Variants in EYA1 observed in about 807,000 individuals in gnomAD.
EYA1 encodes EYA transcriptional coactivator and phosphatase 1.
A neutral mutation model predicts 82.0 loss-of-function variants in EYA1; 16 were observed. The ratio of observed to expected loss-of-function variants is 0.20; its 90% confidence interval spans 0.13 to 0.30. The LOEUF is 0.30. Among genes scored for constraint, EYA1 ranks in the 10% least tolerant of loss-of-function variants. EYA1 has a pLI of 1.00. For missense variants in EYA1, 633 were observed against 730.7 expected, an observed-to-expected ratio of 0.87 and a Z score of 1.54; for synonymous variants, 261 against 264.4, an observed-to-expected ratio of 0.99 and a Z score of 0.12.
rs771549701 is a variant in EYA1 at position 71,299,155 on chromosome 8, T to C, written c.718A>G (p.Met240Val). ...GTTGGGCTGGTGTTGCTGCTGGTCATATAATGTGCTGGATACGGTGAGCTG... is the reference window on the plus strand; with the variant it reads ...GTTGGGCTGGTGTTGCTGCTGGTCACATAATGTGCTGGATACGGTGAGCTG... ...YNSSPYPAHY[M>V]TSSNTSPTTP... is the part of the protein sequence containing the mutation. Residue 240 changes from methionine to valine, a missense_variant, in exon 9 of 18, where the codon ATG becomes GTG. Coordinates refer to ENST00000340726, the MANE Select transcript of EYA1 (RefSeq NM_000503.6). 2.5e-6 allele frequency: 4 copies of C among 1,614,174 alleles called. No individual in the cohort carries two copies. In the Admixed American group the frequency reaches 5.0e-5, roughly 20 times the overall value.
chr8:71,517,722 T>TATATATAG (rs368930636), intron 2 of EYA1, among the ~76,000 whole-genome samples: 18 of 148,522 alleles, frequency 1.2e-4, no homozygotes, highest in African/African-American at 3.7e-4. Context: ...TATATATATA[T>TATATATAG]ATATAACTGT....
chr8:71,359,681 A>G (rs1827200613), intron 1 of EYA1, among the ~76,000 whole-genome samples: 1 of 152,208 alleles, frequency 6.6e-6, no homozygotes, highest in Non-Finnish European at 1.5e-5. Flanking sequence ...CGGGTTTTCC[A>G]TAGGCTTTTT....
At chr8:71,502,977 G>A (rs1811923684) in intron 2 of EYA1, among the ~76,000 whole-genome samples, 1 of 152,182 alleles carries the variant, frequency 6.6e-6, no homozygotes, top group Middle Eastern at 3.4e-3. Context: ...GTCTTTTTTT[G>A]TAATAAATTT....
chr8:71,219,852 A>G (rs572094105), intron 12 of EYA1, among the ~76,000 whole-genome samples: 1 of 152,326 alleles, frequency 6.6e-6, no homozygotes, highest in Non-Finnish European at 1.5e-5. Context: ...CTTTCCTTCT[A>G]CCATTTCTCA....
chr8:71,447,027 A>T (rs1806936668), intron 2 of EYA1, among the ~76,000 whole-genome samples: 1 of 151,664 alleles, frequency 6.6e-6, no homozygotes, highest in Admixed American at 6.6e-5. Flanking sequence ...TAGCTCCTAC[A>T]TTGCTTTGAA....
At chr8:71,202,753 A>G (rs1353206715) in intron 17 of EYA1, among the ~76,000 whole-genome samples, 2 of 152,216 alleles carry the variant, frequency 1.3e-5, no homozygotes, top group East Asian at 1.9e-4. Flanking sequence ...CTTTCATGGC[A>G]TGCAGGGTAG....
chr8:71,482,993 G>T (rs968147242), intron 2 of EYA1, among the ~76,000 whole-genome samples: 9 of 152,142 alleles, frequency 5.9e-5, no homozygotes, highest in Admixed American at 5.9e-4. Flanking sequence ...TACCATGACT[G>T]CACCTCTGAA....
At chr8:71,455,087 T>C (rs576216687) in intron 2 of EYA1, among the ~76,000 whole-genome samples, 1 of 152,092 alleles carries the variant, frequency 6.6e-6, no homozygotes, top group South Asian at 2.1e-4. Flanking sequence ...TCACCACTGA[T>C]CCACAGAAAT....
chr8:71,348,265 T>C (rs150753592), intron 3 of EYA1, among the ~76,000 whole-genome samples: 1,567 of 152,308 alleles, frequency 0.01, 12 homozygotes, highest in South Asian at 0.03. Flanking sequence ...AAGGCATCCT[T>C]GGATATCATA....
chr8:71,342,124 CCCAAT>C (rs1397683068), intron 3 of EYA1, among the ~76,000 whole-genome samples: 1 of 152,100 alleles, frequency 6.6e-6, no homozygotes, highest in African/African-American at 2.4e-5. Context: ...TCATCTCTCC[CCCAAT>C]CCAATCTATC....
At chr8:71,502,241 T>C (rs1246010043) in intron 2 of EYA1, among the ~76,000 whole-genome samples, 1 of 152,236 alleles carries the variant, frequency 6.6e-6, no homozygotes, top group Non-Finnish European at 1.5e-5. Flanking sequence ...ATGACAGATA[T>C]GTGAGCTGTG....
chr8:71,301,972 G>A (rs1311337499), intron 7 of EYA1, among the ~76,000 whole-genome samples: 1 of 151,866 alleles, frequency 6.6e-6, no homozygotes, highest in Admixed American at 6.6e-5. Context: ...GTGCATATCA[G>A]TGAACAATTT....
intron 9 of EYA1, among the ~76,000 whole-genome samples, chr8:71,277,115 ATTTTTTTTTTTTTT>A (rs9298167): frequency 3.1e-4 from 24 of 76,948 alleles, no homozygotes; most frequent in Non-Finnish European, 4.6e-4. Flanking sequence ...GGCTTCACAC[ATTTTTTTTTTTTTT>A]TTTTTTTTTT....
intron 9 of EYA1, among the ~76,000 whole-genome samples, chr8:71,282,468 C>A (rs1476142639): frequency 6.6e-6 from 1 of 152,218 alleles, no homozygotes; most frequent in Non-Finnish European, 1.5e-5. Context: ...GTCAAGATCA[C>A]CAACAACATC....
chr8:71,507,705 A>C (rs1812298094), intron 2 of EYA1, among the ~76,000 whole-genome samples: 1 of 152,226 alleles, frequency 6.6e-6, no homozygotes. Flanking sequence ...CTATCCACTA[A>C]TATGGAATGA....
In EYA1 at chr8:71,322,211, A is replaced by G. The variant is rs755452077; in HGVS notation, c.260T>C (p.Ile87Thr). ...AAATACATCTTACTTGGAAGGGTAA[A>G]TCTGTGGTGGAGAGAACTGGTGAGT... is the stretch of plus-strand genomic sequence containing the variant. ...RPTHQFSPPQ[I>T]YPSNRPYPHI... The change falls in exon 5 of 18, where the codon ATT becomes ACT. Residue 87 changes from isoleucine to threonine, a missense_variant. Ile to Thr is a moderately conservative substitution (Grantham distance 89). Coordinates refer to ENST00000340726, the MANE Select transcript of EYA1 (RefSeq NM_000503.6). 6.2e-7 allele frequency: 1 copy of G among 1,613,628 alleles called. No individual in the cohort carries two copies. Among genetic ancestry groups the G allele is most frequent in the South Asian group, 1.1e-5 (1 of 91,074 alleles).
intron 9 of EYA1, among the ~76,000 whole-genome samples, 169 bp downstream of exon 9, chr8:71,298,877 TA>T (rs1421672799): frequency 1.3e-5 from 2 of 152,034 alleles, no homozygotes; most frequent in South Asian, 2.1e-4. Flanking sequence ...TTCAAGCAAA[TA>T]AAAAAATAAA....
intron 2 of EYA1, among the ~76,000 whole-genome samples, chr8:71,386,448 T>C (rs925030966): frequency 6.6e-6 from 1 of 152,240 alleles, no homozygotes; most frequent in Admixed American, 6.5e-5. Flanking sequence ...TTTATAGTTT[T>C]TCATAAGGAA....
chr8:71,318,905 T>C (rs1463729534), intron 6 of EYA1, among the ~76,000 whole-genome samples: 3 of 152,142 alleles, frequency 2.0e-5, no homozygotes, highest in Non-Finnish European at 4.4e-5. Context: ...CTTAACATTT[T>C]AAAAATGTGA....
Sources: gnomAD v4.1 joint callset for allele counts (sites outside exome capture counted in the v4.1 genomes callset) on GRCh38, gnomAD v4.1.1 for gene constraint, MANE v1.5 for transcripts, NCBI Gene and HGNC (gene_info 2026-07-23, HGNC 2026-07-21) for gene names.